CLPB: variants seen among roughly 807,000 people sequenced by gnomAD.
The protein encoded by CLPB is ClpB family mitochondrial disaggregase, also known as mitochondrial disaggregase.
CLPB carries 40 observed loss-of-function variants against 78.4 expected under a neutral mutation model. The ratio of observed to expected loss-of-function variants is 0.51; its 90% CI spans 0.40 to 0.66. The LOEUF (loss-of-function observed/expected upper bound fraction) is 0.66. Among genes scored for constraint, CLPB ranks in the 30% least tolerant of loss-of-function variants. The pLI is 0.00. For synonymous variants in CLPB, 333 were observed against 348.0 expected (o/e 0.96, Z 0.48); for missense variants, 780 against 886.9 (o/e 0.88, Z 1.53).
At chr11:72,355,060 T>C (rs1203599125) in intron 5 of CLPB, 2 of 152,282 alleles carry the variant, frequency 1.3e-5, no homozygotes, top group Non-Finnish European at 2.9e-5. Context: ...GTCTCAGAGA[T>C]GGCAAGTGGC....
chr11:72,418,555 T>C (rs1343023239), intron 2 of CLPB, among the ~76,000 whole-genome samples: 1 of 152,202 alleles, frequency 6.6e-6, no homozygotes, highest in Non-Finnish European at 1.5e-5. Flanking sequence ...TTCCTGCTAA[T>C]GATAAGAAAT....
At chr11:72,315,728 C>T (rs1949929302) in intron 7 of CLPB, among the ~76,000 whole-genome samples, 1 of 152,234 alleles carries the variant, frequency 6.6e-6, no homozygotes, top group Admixed American at 6.5e-5. Flanking sequence ...TCTCTGGCTG[C>T]CCATCCTCAT....
rs554927952 is a variant in CLPB, at chr11:72,364,686, C to G, written c.647-5678G>C. On this transcript the variant is annotated intron_variant, in intron 4 of 15. Coordinates refer to ENST00000538039, the MANE Select transcript of CLPB (RefSeq NM_001258392.3). ...GCCTTCAAACAAATTTTCCTTCCCA[C>G]CTTTTTCCTTTCCTCCTCCCTTCCT... Among the ~76,000 whole-genome samples the G allele has an allele frequency of 2.5e-4, 38 of 152,160 alleles. No individual in the cohort carries two copies. The South Asian group carries it at 7.7e-3, about 31-fold the overall frequency.
At chr11:72,367,673 T>C (rs1477635203) in intron 4 of CLPB, among the ~76,000 whole-genome samples, 2 of 152,014 alleles carry the variant, frequency 1.3e-5, no homozygotes, top group Admixed American at 1.3e-4. Context: ...AGTACCTGGG[T>C]GATGGGATCA....
At chr11:72,382,047 A>G (rs1195882070) in intron 3 of CLPB, among the ~76,000 whole-genome samples, 1 of 151,896 alleles carries the variant, frequency 6.6e-6, no homozygotes, top group Non-Finnish European at 1.5e-5. Flanking sequence ...CAGCATCTGC[A>G]CATCCAGGCT....
In CLPB at chr11:72,294,037, G is replaced by A; in HGVS notation, c.1770C>T (p.Arg590=). ...VDGYNVHYGA[R]SIKHEVERRV... is the part of the protein sequence containing the mutation. Reference sequence around the variant, plus strand: ...CTGTGCTCACCTCATGTTTGATGGAGCGGGCGCCATAGTGCACATTGTAGC... The same window carrying A: ...CTGTGCTCACCTCATGTTTGATGGAACGGGCGCCATAGTGCACATTGTAGC... Residue 590 remains arginine, a synonymous_variant, in exon 15 of 16, where the codon CGC becomes CGT. Coordinates refer to ENST00000538039, the MANE Select transcript of CLPB (RefSeq NM_001258392.3). 2.5e-6 allele frequency: 4 copies of A among 1,613,966 alleles called. No homozygotes were observed. The highest frequency in any genetic ancestry group is 3.4e-6 in the Non-Finnish European group (4 of 1,179,912).
At chr11:72,345,999 A>G (rs1336547889) in intron 5 of CLPB, among the ~76,000 whole-genome samples, 1 of 152,150 alleles carries the variant, frequency 6.6e-6, no homozygotes, top group Non-Finnish European at 1.5e-5. Context: ...CGTTATTTGC[A>G]GCTACCATTG....
intron 2 of CLPB, among the ~76,000 whole-genome samples, chr11:72,427,113 G>A (rs1856405824): frequency 6.6e-6 from 1 of 152,222 alleles, no homozygotes; most frequent in African/African-American, 2.4e-5. Context: ...GGCCATCTGT[G>A]GAGGACCCAC....
chr11:72,374,845 C>T (rs1219322769), intron 4 of CLPB, among the ~76,000 whole-genome samples: 1 of 152,214 alleles, frequency 6.6e-6, no homozygotes, highest in Non-Finnish European at 1.5e-5. Context: ...ACCACCCCCT[C>T]ACTTTAAATC....
At position 72,304,169 on chromosome 11, in the gene CLPB, G is replaced by T. The variant is rs1949706807; in HGVS notation, c.1123-1821C>A. The T allele has an allele frequency of 3.9e-5, 6 of 152,204 alleles. 1 individual carries two copies. The South Asian group carries it at 1.2e-3, about 32-fold the overall frequency. The allele number at this position is 152,204 out of a possible 1,614,324, so 9.4% of individuals were successfully genotyped here. On this transcript the variant is annotated intron_variant, in intron 9 of 15. Transcript: ENST00000538039. ...TTTTTGGGCTTGACTTTCTTGGCCG[G>T]AATCATCATTTTGATTTCACATGAT...
Position 72,293,235 on chromosome 11 carries a change from T to G in CLPB, c.*132A>C, listed in dbSNP as rs1050504339. On this transcript the variant is annotated 3_prime_UTR_variant, in exon 16 of 16. Transcript: ENST00000538039. The stretch of plus-strand genomic sequence containing the variant: ...GGGCTGAGAAGGGGTCTTCATGGGC[T>G]GTGAGGAGGTAAGCAGGCCTGAGAC... 3.5e-6 allele frequency: 4 copies of G among 1,143,462 alleles called. No individual in the cohort carries two copies. The highest frequency in any genetic ancestry group is 5.0e-6 in the Non-Finnish European group (4 of 804,928). 70.8% of individuals were successfully genotyped at this position (1,143,462 alleles called of 1,614,324 possible). A position where few individuals can be genotyped will look rare whatever the true frequency, so the allele number is the denominator to read the frequency against.
intron 2 of CLPB, among the ~76,000 whole-genome samples, chr11:72,420,993 G>C (rs1286322351): frequency 2.0e-5 from 3 of 152,284 alleles, no homozygotes; most frequent in Admixed American, 2.0e-4. Context: ...AACCCCATAT[G>C]TACTAAAAAT....
At chr11:72,422,557 C>T (rs189037105) in intron 2 of CLPB, among the ~76,000 whole-genome samples, 1 of 152,300 alleles carries the variant, frequency 6.6e-6, no homozygotes, top group Admixed American at 6.5e-5. Context: ...GAAGCTCTCA[C>T]TATAAGTATC....
intron 1 of CLPB, among the ~76,000 whole-genome samples, chr11:72,430,882 C>T (rs1856527131): frequency 6.6e-6 from 1 of 152,122 alleles, no homozygotes; most frequent in Non-Finnish European, 1.5e-5. Flanking sequence ...TCTTTGAGAT[C>T]TAGCTCCATT....
At chr11:72,398,311 G>T (rs1450462446) in intron 3 of CLPB, among the ~76,000 whole-genome samples, 1 of 152,196 alleles carries the variant, frequency 6.6e-6, no homozygotes, top group Non-Finnish European at 1.5e-5. Flanking sequence ...AGGGGGTCAT[G>T]ACTTTCAGCC....
chr11:72,353,573 C>T (rs557552070), intron 5 of CLPB, among the ~76,000 whole-genome samples: 34 of 152,278 alleles, frequency 2.2e-4, no homozygotes, highest in African/African-American at 7.9e-4. Flanking sequence ...GCATCCAATT[C>T]AAAAACATAC....
chr11:72,347,029 C>T (rs1297056587), intron 5 of CLPB, among the ~76,000 whole-genome samples: 1 of 140,918 alleles, frequency 7.1e-6, no homozygotes, highest in Non-Finnish European at 1.5e-5. Context: ...CCCATGAACA[C>T]ATTTTGACAG....
intron 4 of CLPB, among the ~76,000 whole-genome samples, chr11:72,368,853 T>C (rs1182496273): frequency 6.6e-6 from 1 of 152,228 alleles, no homozygotes; most frequent in African/African-American, 2.4e-5. Context: ...AAAATGGTTC[T>C]CACAGACATC....
rs145360354 is a variant in CLPB at position 72,390,993 on chromosome 11, C to T, written c.543-10609G>A. ...CGATGCAGTAGTTAGAAGCAACAGG[C>T]TGGATATACATGCAACAACATAGAT... On this transcript the variant is annotated intron_variant, in intron 3 of 15. Transcript: ENST00000538039. 4.5e-3 allele frequency among the ~76,000 whole-genome samples: 684 copies of T among 152,242 alleles called. 7 individuals carry two copies. The highest frequency in any genetic ancestry group is 0.016 in the African/African-American group (652 of 41,534).
Sources: gnomAD v4.1 joint callset for allele counts (sites outside exome capture counted in the v4.1 genomes callset) on GRCh38, gnomAD v4.1.1 for gene constraint, MANE v1.5 for transcripts, NCBI Gene and HGNC (gene_info 2026-07-23, HGNC 2026-07-21) for gene names.